Variants in PTPRT observed in about 807,000 individuals in gnomAD.
PTPRT encodes the protein receptor-type tyrosine-protein phosphatase T.
A neutral mutation model predicts 176.8 loss-of-function variants in PTPRT; 56 were observed. That is an observed-to-expected ratio of 0.32 (90% confidence interval 0.26 to 0.40). The LOEUF is 0.40. PTPRT is among the 10% of genes least tolerant of loss of function. The probability of loss-of-function intolerance (pLI) is 1.00; values close to 1 mark genes in which losing one functional copy is unlikely to be tolerated. For synonymous variants in PTPRT, 783 were observed against 739.0 expected (o/e 1.06, Z -0.96); for missense variants, 1,540 against 1,908.2 (o/e 0.81, Z 3.60).
At chr20:42,913,135 GGTACCT>G (rs1292618760) in intron 1 of PTPRT, among the ~76,000 whole-genome samples, 19 of 152,220 alleles carry the variant, frequency 1.2e-4, no homozygotes, top group Admixed American at 1.0e-3. Flanking sequence ...TGCTTAAAAA[GGTACCT>G]TACACAGAAT....
At chr20:42,711,404 C>A (rs1004298122) in intron 6 of PTPRT, among the ~76,000 whole-genome samples, 3 of 152,056 alleles carry the variant, frequency 2.0e-5, no homozygotes, top group Non-Finnish European at 2.9e-5. Flanking sequence ...TCTTAAGGCT[C>A]TCCCTGTGGT....
chr20:42,135,862 A>G (rs16986540), intron 18 of PTPRT, among the ~76,000 whole-genome samples: 18,653 of 152,104 alleles, frequency 0.12, 1,279 homozygotes, highest in East Asian at 0.27. Flanking sequence ...ATAGAGTTGT[A>G]GGGTCCTCAC....
chr20:43,182,858 C>T (rs977887156), intron 1 of PTPRT, among the ~76,000 whole-genome samples: 4 of 151,900 alleles, frequency 2.6e-5, no homozygotes, highest in African/African-American at 9.7e-5. Context: ...CAAAACAAAA[C>T]AAAAAACGTT....
intron 7 of PTPRT, among the ~76,000 whole-genome samples, chr20:42,633,784 A>T (rs1467935004): frequency 5.6e-5 from 3 of 53,380 alleles, no homozygotes; most frequent in East Asian, 5.4e-4. Flanking sequence ...AGACTCTGAA[A>T]ATATATATAT....
the PTPRT span, among the ~76,000 whole-genome samples, chr20:42,058,196 T>C: frequency 6.6e-6 from 1 of 152,182 alleles, no homozygotes; most frequent in African/African-American, 2.4e-5. Flanking sequence ...GTTCACAGAC[T>C]TATACATTAT....
intron 1 of PTPRT, among the ~76,000 whole-genome samples, chr20:43,111,546 GAAAAAAAAA>G (rs11424029): frequency 3.6e-5 from 3 of 83,448 alleles, no homozygotes; most frequent in East Asian, 6.7e-4. Context: ...TCCGTCTCAG[GAAAAAAAAA>G]AAAAAAAAAA....
chr20:42,711,874 A>G lies in PTPRT; in HGVS notation c.860-33715T>C, dbSNP rs73268046. ...GAAAATGAGGCTGACAGATGAAATCATTGGCTCAAAAGCACATGGCTACCA... is the reference window on the plus strand; with the variant it reads ...GAAAATGAGGCTGACAGATGAAATCGTTGGCTCAAAAGCACATGGCTACCA... On this transcript the variant is annotated intron_variant, in intron 6 of 30. Coordinates refer to ENST00000373187, the MANE Select transcript of PTPRT (RefSeq NM_007050.6). 8.0e-3 allele frequency among the ~76,000 whole-genome samples: 1,211 copies of G among 151,894 alleles called. 17 individuals are homozygous for G. Among genetic ancestry groups the G allele is most frequent in the African/African-American group, 0.028 (1,173 of 41,388 alleles).
chr20:42,602,383 T>A (rs2073797224), intron 7 of PTPRT, among the ~76,000 whole-genome samples: 1 of 152,172 alleles, frequency 6.6e-6, no homozygotes, highest in African/African-American at 2.4e-5. Context: ...TTCAGCAACA[T>A]GCAAAGTGAC....
chr20:43,010,398 G>A (rs575900089), intron 1 of PTPRT, among the ~76,000 whole-genome samples: 1 of 152,194 alleles, frequency 6.6e-6, no homozygotes, highest in African/African-American at 2.4e-5. Flanking sequence ...TCACCTTGCT[G>A]ATCCTCCCCA....
intron 21 of PTPRT, among the ~76,000 whole-genome samples, chr20:42,115,848 G>T (rs1421887440): frequency 6.6e-6 from 1 of 152,176 alleles, no homozygotes; most frequent in African/African-American, 2.4e-5. Flanking sequence ...AGAGGTGGCA[G>T]TTGGGGGTCT....
intron 13 of PTPRT, among the ~76,000 whole-genome samples, chr20:42,267,296 G>C (rs905026132): frequency 6.6e-6 from 1 of 152,180 alleles, no homozygotes; most frequent in Admixed American, 6.5e-5. Context: ...AGTAGGCTAG[G>C]TTAAGCTATG....
chr20:42,569,780 T>C (rs143277566), intron 7 of PTPRT, among the ~76,000 whole-genome samples: 1 of 152,338 alleles, frequency 6.6e-6, no homozygotes, highest in East Asian at 1.9e-4. Context: ...GCATGACTTG[T>C]GTTCAAGGTC....
chr20:42,265,248 A>T (rs1035677146), intron 13 of PTPRT, among the ~76,000 whole-genome samples: 1 of 152,100 alleles, frequency 6.6e-6, no homozygotes, highest in Non-Finnish European at 1.5e-5. Context: ...TCTAATGTCT[A>T]TGGGCACAGA....
intron 2 of PTPRT, among the ~76,000 whole-genome samples, chr20:42,843,178 G>A (rs1600459523): frequency 6.6e-6 from 1 of 152,184 alleles, no homozygotes; most frequent in Non-Finnish European, 1.5e-5. Flanking sequence ...TGAGATAAAT[G>A]TTGGTTCCCT....
At position 42,885,847 on chromosome 20, in the gene PTPRT, G is replaced by A; in HGVS notation, c.174C>T (p.Asn58=). Residue 58 remains asparagine, a synonymous_variant, in exon 2 of 31, where the codon AAC becomes AAT. Coordinates refer to ENST00000373187, the MANE Select transcript of PTPRT (RefSeq NM_007050.6). ...GTNGFTWEQI[N]TWEKPMLDQA... Reference sequence around the variant, plus strand: ...GGTCCAGCATTGGTTTCTCCCATGTGTTAATCTGCTCCCAGGTGAACCCAT... The same window carrying A: ...GGTCCAGCATTGGTTTCTCCCATGTATTAATCTGCTCCCAGGTGAACCCAT... 1 of 1,610,182 alleles carries A rather than the reference G, an allele frequency of 6.2e-7. No homozygotes were observed. Among genetic ancestry groups the A allele is most frequent in the Non-Finnish European group, 8.5e-7 (1 of 1,177,462 alleles).
At chr20:42,090,328 A>G (rs1181174149) in intron 27 of PTPRT, among the ~76,000 whole-genome samples, 1 of 151,326 alleles carries the variant, frequency 6.6e-6, no homozygotes, top group Non-Finnish European at 1.5e-5. Flanking sequence ...TGGATCAGCC[A>G]GCTTGGGGTA....
intron 4 of PTPRT, among the ~76,000 whole-genome samples, chr20:42,774,150 C>A (rs1239123994): frequency 6.6e-6 from 1 of 152,178 alleles, no homozygotes; most frequent in Admixed American, 6.5e-5. Context: ...CATGCACCTA[C>A]AAGAGCCAGT....
intron 1 of PTPRT, among the ~76,000 whole-genome samples, chr20:42,979,990 T>TGGGGGGGGGGGGGG (rs34988665): frequency 1.8e-5 from 1 of 55,584 alleles, no homozygotes; most frequent in East Asian, 5.4e-4. Flanking sequence ...GAAGGGGGGG[T>TGGGGGGGGGGGGGG]GGGGGGGGGT....
At chr20:42,345,583 T>G in intron 11 of PTPRT, among the ~76,000 whole-genome samples, 1 of 18,448 alleles carries the variant, frequency 5.4e-5, no homozygotes, top group South Asian at 1.4e-3. Flanking sequence ...TACATATATA[T>G]GTGTGTGTGT....
Sources: gnomAD v4.1 joint callset for allele counts (sites outside exome capture counted in the v4.1 genomes callset) on GRCh38, gnomAD v4.1.1 for gene constraint, MANE v1.5 for transcripts, NCBI Gene and HGNC (gene_info 2026-07-23, HGNC 2026-07-21) for gene names.